Variants in ENTREP1 observed in about 807,000 individuals in gnomAD.
ENTREP1 encodes Friedreich ataxia region gene X123.
chr9:69,330,789 T>C, the ENTREP1 span, among the ~76,000 whole-genome samples: 1 of 152,224 alleles, frequency 6.6e-6, no homozygotes, highest in African/African-American at 2.4e-5. Flanking sequence ...CAGTTACTCA[T>C]CTGTCAAATG....
chr9:69,376,279 A>G, the ENTREP1 span, among the ~76,000 whole-genome samples: 1 of 152,162 alleles, frequency 6.6e-6, no homozygotes, highest in Non-Finnish European at 1.5e-5. Context: ...GTTTGCTTAC[A>G]TGGGTCATAT....
At chr9:69,377,486 A>G in the ENTREP1 span, 2 of 1,611,338 alleles carry the variant, frequency 1.2e-6, no homozygotes, top group Non-Finnish European at 1.7e-6. Context: ...TCGTAAGTCT[A>G]TGCAAGGGCA....
the ENTREP1 span, chr9:69,325,716 G>T: frequency 8.1e-7 from 1 of 1,228,494 alleles, no homozygotes; most frequent in South Asian, 4.1e-5. Flanking sequence ...TTCTGGGCCG[G>T]CTCCTCGGTG....
At chr9:69,374,334 TG>T in the ENTREP1 span, among the ~76,000 whole-genome samples, 1 of 152,132 alleles carries the variant, frequency 6.6e-6, no homozygotes, top group East Asian at 1.9e-4. Context: ...ATTATTGTTT[TG>T]GGGAGGCAGT....
the ENTREP1 span, chr9:69,391,518 G>C: frequency 8.8e-7 from 1 of 1,135,722 alleles, no homozygotes; most frequent in Non-Finnish European, 1.3e-6. Context: ...ATTAAGATAG[G>C]TGGATGGACC....
At chr9:69,337,503 G>A in the ENTREP1 span, among the ~76,000 whole-genome samples, 2 of 151,880 alleles carry the variant, frequency 1.3e-5, no homozygotes, top group Non-Finnish European at 2.9e-5. Flanking sequence ...TTTTGTTATT[G>A]AGGTAAAATT....
At chr9:69,351,172 T>C in the ENTREP1 span, among the ~76,000 whole-genome samples, 7 of 152,218 alleles carry the variant, frequency 4.6e-5, no homozygotes. Context: ...TAAACTCTGT[T>C]CCTACAGATG....
At chr9:69,387,413 T>A in the ENTREP1 span, 1 of 155,270 alleles carries the variant, frequency 6.4e-6, no homozygotes, top group African/African-American at 2.4e-5. Flanking sequence ...GGCTGACTTC[T>A]GGACACATAA....
the ENTREP1 span, among the ~76,000 whole-genome samples, chr9:69,327,588 G>C: frequency 6.6e-6 from 1 of 150,852 alleles, no homozygotes; most frequent in African/African-American, 2.4e-5. Context: ...CTTAGATATC[G>C]GTCAAGCCAC....
At chr9:69,350,351 A>G in the ENTREP1 span, among the ~76,000 whole-genome samples, 1 of 152,058 alleles carries the variant, frequency 6.6e-6, no homozygotes, top group South Asian at 2.1e-4. Flanking sequence ...CCTTTGAATT[A>G]TCTTGATACG....
the ENTREP1 span, among the ~76,000 whole-genome samples, chr9:69,362,977 C>T: frequency 1.3e-5 from 2 of 152,120 alleles, no homozygotes; most frequent in Non-Finnish European, 2.9e-5. Flanking sequence ...ACTTAATAAA[C>T]CCCCTTTATA....
the ENTREP1 span, among the ~76,000 whole-genome samples, chr9:69,363,521 A>G: frequency 6.6e-6 from 1 of 152,234 alleles, no homozygotes. Context: ...AGATATGTGC[A>G]GGGTATGGGG....
the ENTREP1 span, among the ~76,000 whole-genome samples, chr9:69,328,957 A>G: frequency 3.9e-5 from 6 of 152,164 alleles, no homozygotes; most frequent in African/African-American, 1.4e-4. Context: ...TTCATATACA[A>G]GGGATCATAT....
chr9:69,333,116 A>G, the ENTREP1 span, among the ~76,000 whole-genome samples: 11 of 152,116 alleles, frequency 7.2e-5, no homozygotes, highest in African/African-American at 4.8e-5. Context: ...GTGTGTATAT[A>G]TACACATAGA....
the ENTREP1 span, among the ~76,000 whole-genome samples, chr9:69,390,311 G>T: frequency 2.0e-5 from 3 of 152,178 alleles, no homozygotes; most frequent in African/African-American, 4.8e-5. Flanking sequence ...ATTGTGCTGT[G>T]ATGTTAGGTA....
the ENTREP1 span, among the ~76,000 whole-genome samples, chr9:69,347,956 C>T: frequency 2.0e-5 from 3 of 152,150 alleles, no homozygotes; most frequent in Non-Finnish European, 4.4e-5. Context: ...TTCTCTAGTA[C>T]GTGCTTGGTA....
At chr9:69,359,970 CTT>C in the ENTREP1 span, among the ~76,000 whole-genome samples, 22 of 128,484 alleles carry the variant, frequency 1.7e-4, no homozygotes, top group African/African-American at 2.0e-4. Flanking sequence ...TCTTATTTTG[CTT>C]TTTTTTTTTT....
the ENTREP1 span, chr9:69,371,641 AG>A: frequency 1.4e-6 from 2 of 1,392,986 alleles, no homozygotes; most frequent in African/African-American, 2.8e-5. Context: ...CTGTGCATCT[AG>A]GCAGACCCTG....
chr9:69,342,930 G>T, the ENTREP1 span, among the ~76,000 whole-genome samples: 10 of 152,340 alleles, frequency 6.6e-5, no homozygotes, highest in African/African-American at 2.2e-4. Context: ...AAGAACTTGG[G>T]ATCCTCAGAA....
Sources: allele counts gnomAD v4.1 joint callset (sites outside exome capture counted in the v4.1 genomes callset), GRCh38; gene constraint gnomAD v4.1.1; transcripts MANE v1.5; gene names NCBI Gene and HGNC (gene_info 2026-07-23, HGNC 2026-07-21).